MAN2C1: variants seen among roughly 807,000 people sequenced by gnomAD.
MAN2C1 encodes mannosidase alpha class 2C member 1.
A neutral mutation model predicts 126.9 loss-of-function variants in MAN2C1; 111 were observed. The observed-to-expected ratio is 0.87, with a 90% CI of 0.75 to 1.02. MAN2C1 has a LOEUF of 1.02. MAN2C1 is among the 50% of genes least tolerant of loss of function. MAN2C1 has a pLI of 0.00. For missense variants in MAN2C1, 1,363 were observed against 1,364.4 expected, an observed-to-expected ratio of 1.00 and a Z score of 0.02; for synonymous variants, 567 against 561.5, an observed-to-expected ratio of 1.01 and a Z score of -0.14.
chr15:75,362,057 G>A lies in MAN2C1; in HGVS notation c.1009-110C>T. 1.2e-6 allele frequency: 1 copy of A among 851,578 alleles called. No individual in the cohort carries two copies. Among genetic ancestry groups the A allele is most frequent in the Non-Finnish European group, 1.9e-6 (1 of 514,694 alleles). 52.8% of individuals were successfully genotyped at this position (851,578 alleles called of 1,614,324 possible). On this transcript the variant is annotated intron_variant, in intron 8 of 25. Transcript: ENST00000267978. This position sits in a 1 kb window ranked among gnomAD's most constrained non-coding sequence, Gnocchi z 4.5. ...GAGAAGCCAGGGCTGCTCAAACATG[G>A]GAGTTACAGCCAGAACTCAGGAAGG...
At chr15:75,368,371 G>A (rs545013211) in intron 1 of MAN2C1, 112 bp downstream of exon 1, 2 of 1,385,796 alleles carry the variant, frequency 1.4e-6, no homozygotes, top group East Asian at 2.5e-5. Context: ...CCCTGCCCGC[G>A]GCGGGCACTT....
intron 2 of MAN2C1, 98 bp downstream of exon 2, chr15:75,367,975 T>G: frequency 7.0e-7 from 1 of 1,429,530 alleles, no homozygotes. Context: ...CCCACGTAGT[T>G]GTCTACGGCA....
At position 75,356,900 on chromosome 15, in the gene MAN2C1, C is replaced by T. The variant is rs1383463254; in HGVS notation, c.2550G>A (p.Val850=). The T allele has an allele frequency of 6.2e-7, 1 of 1,613,756 alleles. No individual in the cohort carries two copies. Residue 850 remains valine (V), a splice_region_variant and synonymous_variant, in exon 22 of 26, where the codon GTG becomes GTA. Transcript: ENST00000267978. The surrounding 1 kb of genome is among the most constrained non-coding windows in gnomAD (Gnocchi z 5.8). ...ACAGATCCATCCAGCGATGGGCCCACACCTGGAGGGCAGATCCAAGACCCA... is the reference window on the plus strand; with the variant it reads ...ACAGATCCATCCAGCGATGGGCCCATACCTGGAGGGCAGATCCAAGACCCA... ...NTSWDWARFE[V]WAHRWMDLSE... is the part of the protein sequence containing the mutation.
chr15:75,362,756 G>C lies in MAN2C1; in HGVS notation c.791-8C>G, dbSNP rs763327330. Reference sequence around the variant, plus strand: ...TGAAGGGCCAAAGCCAGGCTATACGGGGAGTGAGGTGGAGGACAGAGGGAG... The same window carrying C: ...TGAAGGGCCAAAGCCAGGCTATACGCGGAGTGAGGTGGAGGACAGAGGGAG... On this transcript the variant is annotated splice_polypyrimidine_tract_variant and splice_region_variant and intron_variant, in intron 6 of 25. Coordinates refer to ENST00000267978, the MANE Select transcript of MAN2C1 (RefSeq NM_006715.4). This position sits in a 1 kb window ranked among gnomAD's most constrained non-coding sequence, Gnocchi z 4.5. 6.2e-7 allele frequency: 1 copy of C among 1,612,808 alleles called. No individual in the cohort carries two copies. The highest frequency in any genetic ancestry group is 1.3e-5 in the African/African-American group (1 of 74,904).
chr15:75,360,181 T>A lies in MAN2C1; in HGVS notation c.1615A>T (p.Ile539Phe). ...CTGAGCAGCTCCACGTCGTGCAGGA[T>A]CCGCTCACATTCCCGGTTCCCCTTC... is the stretch of plus-strand genomic sequence containing the variant. ...IKKGNRECER[I>F]LHDVELLSSL... The change falls in exon 14 of 26, where the codon ATC becomes TTC. Residue 539 changes from isoleucine (I) to phenylalanine (F), a missense_variant. By Grantham distance (21) the Ile-to-Phe change is conservative. This residue lies in a region of MAN2C1 where 67 missense variants were observed against 104.5 expected (regional missense o/e 0.64). Transcript: ENST00000267978. 2 of 1,612,254 alleles carry A rather than the reference T, an allele frequency of 1.2e-6. No homozygotes were observed. Among genetic ancestry groups the A allele is most frequent in the Non-Finnish European group, 1.7e-6 (2 of 1,179,986 alleles).
rs1055926493 is a variant in MAN2C1, at chr15:75,356,459, G to A, written c.2738-10C>T. The A allele has an allele frequency of 8.8e-6, 14 of 1,590,062 alleles. No individual in the cohort carries two copies. The highest frequency in any genetic ancestry group is 2.3e-5 in the East Asian group (1 of 44,424). On this transcript the variant is annotated splice_polypyrimidine_tract_variant and intron_variant, in intron 23 of 25. Coordinates refer to ENST00000267978, the MANE Select transcript of MAN2C1 (RefSeq NM_006715.4). This position sits in a 1 kb window ranked among gnomAD's most constrained non-coding sequence, Gnocchi z 5.8. The stretch of plus-strand genomic sequence containing the variant: ...GCATCCTGGAAAGAGCCTGGGGTAC[G>A]ACCAGGAAACAATGCTGGTGGAGAA...
At chr15:75,363,915 G>A in intron 6 of MAN2C1, 84 bp downstream of exon 6, 1 of 1,459,374 alleles carries the variant, frequency 6.9e-7, no homozygotes, top group South Asian at 1.2e-5. Context: ...AACTTGCTGA[G>A]CATCACACAG....
rs992255329 is a variant in MAN2C1 at position 75,364,531 on chromosome 15, T to C, written c.557A>G (p.His186Arg). ...AELAVFHRDV[H>R]MLLVDLELLL... ...CAGCTCCAGATCCACCAGGAGCATG[T>C]GGACATCCCGGTGGAACACAGCTAG... Residue 186 changes from histidine to arginine, a missense_variant, in exon 5 of 26, where the codon CAC (histidine) becomes CGC (arginine). His to Arg is a conservative substitution (Grantham distance 29). Transcript: ENST00000267978. 2 of 1,606,128 alleles carry C rather than the reference T, an allele frequency of 1.2e-6. No homozygotes were observed. The highest frequency in any genetic ancestry group is 1.3e-5 in the African/African-American group (1 of 74,746).
chr15:75,361,118 T>A lies in MAN2C1; in HGVS notation c.1388A>T (p.Asp463Val). The change falls in exon 12 of 26, where the codon GAT becomes GTT. Residue 463 changes from aspartate to valine, a missense_variant. Coordinates refer to ENST00000267978, the MANE Select transcript of MAN2C1 (RefSeq NM_006715.4). This position sits in a 1 kb window ranked among gnomAD's most constrained non-coding sequence, Gnocchi z 5.0. ...GGTCTGGGTGGGGCCACCACCCCCA[T>A]CCCCAAAGCCAAAGAGGAAGGCACT... ...NHSAFLFGFG[D>V]GGGGPTQTML... 6.2e-7 allele frequency: 1 copy of A among 1,613,182 alleles called. No individual in the cohort carries two copies. Among genetic ancestry groups the A allele is most frequent in the Non-Finnish European group, 8.5e-7 (1 of 1,179,732 alleles).
rs750327408 is a variant in MAN2C1 at position 75,364,540 on chromosome 15, C to T, written c.548G>A (p.Arg183Gln). The change falls in exon 5 of 26, where the codon CGG becomes CAG. Residue 183 changes from arginine (R) to glutamine (Q), a missense_variant. Arg to Gln is a conservative substitution (Grantham distance 43, BLOSUM62 1). Coordinates refer to ENST00000267978, the MANE Select transcript of MAN2C1 (RefSeq NM_006715.4). ...LSRAELAVFH[R>Q]DVHMLLVDLE... is the part of the protein sequence containing the mutation. ...ATCCACCAGGAGCATGTGGACATCC[C>T]GGTGGAACACAGCTAGCTCAGCCCG... is the stretch of plus-strand genomic sequence containing the variant. The T allele has an allele frequency of 6.2e-6, 10 of 1,607,690 alleles. No homozygotes were observed. Among genetic ancestry groups the T allele is most frequent in the Middle Eastern group, 1.6e-4 (1 of 6,072 alleles).
intron 3 of MAN2C1, among the ~76,000 whole-genome samples, chr15:75,366,842 TG>T (rs2072585740): frequency 6.6e-6 from 1 of 152,178 alleles, no homozygotes; most frequent in African/African-American, 2.4e-5. Context: ...GGAAGGGCCC[TG>T]GGAAGGGGTT....
At position 75,367,648 on chromosome 15, in the gene MAN2C1, G is replaced by C; in HGVS notation, c.228-14C>G. On this transcript the variant is annotated splice_polypyrimidine_tract_variant and intron_variant, in intron 2 of 25. Transcript: ENST00000267978. ...CAGGTCCACCATCTGCAAGAGAGCT[G>C]TTGTGATAGGCCTAGAGGTAGAAGT... 1 of 1,614,086 alleles carries C rather than the reference G, an allele frequency of 6.2e-7. No individual in the cohort carries two copies. Among genetic ancestry groups the C allele is most frequent in the Non-Finnish European group, 8.5e-7 (1 of 1,179,940 alleles).
At position 75,356,119 on chromosome 15, in the gene MAN2C1, T is replaced by C; in HGVS notation, c.2987A>G (p.Glu996Gly). 6.2e-7 allele frequency: 1 copy of C among 1,613,838 alleles called. No homozygotes were observed. The highest frequency in any genetic ancestry group is 8.5e-7 in the Non-Finnish European group (1 of 1,179,986). The change falls in exon 25 of 26, where the codon GAG becomes GGG. Residue 996 changes from glutamate (E) to glycine (G), a missense_variant. Glu to Gly is a moderately conservative substitution (Grantham distance 98). Coordinates refer to ENST00000267978, the MANE Select transcript of MAN2C1 (RefSeq NM_006715.4). This position sits in a 1 kb window ranked among gnomAD's most constrained non-coding sequence, Gnocchi z 5.8. ...CCACACCGCCACTCACAGGATGGCC[T>C]CCTGAACCGGCAGCGACAAGTGCAG... ...CWLHLSLPVQ[E>G]AILCDLLERP...
At position 75,359,730 on chromosome 15, in the gene MAN2C1, G is replaced by A; in HGVS notation, c.1838C>T (p.Ala613Val). 1.2e-6 allele frequency: 2 copies of A among 1,614,076 alleles called. No homozygotes were observed. Among genetic ancestry groups the A allele is most frequent in the Non-Finnish European group, 8.5e-7 (1 of 1,180,038 alleles). Residue 613 changes from alanine to valine, a missense_variant, in exon 16 of 26, where the codon GCC becomes GTC. By Grantham distance (64) the Ala-to-Val change is moderately conservative. Transcript: ENST00000267978. Reference protein sequence around the residue: ...GNTLLSAAAAALCAGEPGPEG... With the variant: ...GNTLLSAAAAVLCAGEPGPEG... ...AGGACCTGGCTCCCCAGCACACAGG[G>A]CTGCGGCTGCAGCGCTGAGCAGTGT...
At position 75,360,628 on chromosome 15, in the gene MAN2C1, C is replaced by A. The variant is rs759168571; in HGVS notation, c.1521G>T (p.Leu507=). ...AGAAGAGCTCCCCAACCCACGTGCA[C>A]AGCTGCTCTGAGTCACTCTCCAGTG... ...FSALESDSEQ[L]CTWVGELFLE... is the part of the protein sequence containing the mutation. Residue 507 remains leucine (L), a synonymous_variant, in exon 13 of 26, where the codon CTG becomes CTT. Coordinates refer to ENST00000267978, the MANE Select transcript of MAN2C1 (RefSeq NM_006715.4). 1.2e-6 allele frequency: 2 copies of A among 1,613,828 alleles called. No homozygotes were observed. Among genetic ancestry groups the A allele is most frequent in the African/African-American group, 2.7e-5 (2 of 74,910 alleles).
intron 3 of MAN2C1, 32 bp downstream of exon 3, chr15:75,367,479 G>C (rs2072598057): frequency 6.2e-7 from 1 of 1,610,364 alleles, no homozygotes; most frequent in East Asian, 2.2e-5. Context: ...CTGAAATGTG[G>C]CCATACCTGG....
At chr15:75,365,276 C>T (rs1297125972) in intron 4 of MAN2C1, among the ~76,000 whole-genome samples, 1 of 149,864 alleles carries the variant, frequency 6.7e-6, no homozygotes, top group South Asian at 2.1e-4. Context: ...TTTTATTCAC[C>T]ACCATACTCC....
At chr15:75,363,392 G>C (rs1340036648) in intron 6 of MAN2C1, 3 of 441,910 alleles carry the variant, frequency 6.8e-6, no homozygotes, top group African/African-American at 6.0e-5. Flanking sequence ...TACCTCTCCT[G>C]TGCTCTCCAG....
Position 75,356,783 on chromosome 15 carries a change from C to A in MAN2C1, c.2657+10G>T. 1.2e-6 allele frequency: 2 copies of A among 1,613,794 alleles called. No individual in the cohort carries two copies. Among genetic ancestry groups the A allele is most frequent in the East Asian group, 2.2e-5 (1 of 44,872 alleles). On this transcript the variant is annotated intron_variant, in intron 22 of 25. Transcript: ENST00000267978. This position sits in a 1 kb window ranked among gnomAD's most constrained non-coding sequence, Gnocchi z 5.8. The stretch of plus-strand genomic sequence containing the variant: ...TGCCAGCTCCCAGGCCTGGTGGGTA[C>A]CCCACTTACAGCGAGAGGCTGAGGA...
Sources: gnomAD v4.1 joint callset for allele counts (sites outside exome capture counted in the v4.1 genomes callset) on GRCh38, gnomAD v4.1.1 for gene constraint, gnomAD v4.1.1 regional missense constraint, Gnocchi (gnomAD v3.1) non-coding constraint, MANE v1.5 for transcripts, NCBI Gene and HGNC (gene_info 2026-07-23, HGNC 2026-07-21) for gene names.